Variants in FASTKD1 observed in about 807,000 individuals in gnomAD.
The protein encoded by FASTKD1 is FAST kinase domain-containing protein 1, mitochondrial.
Under a neutral mutation model 90.9 loss-of-function variants are expected in FASTKD1, and 94 were observed. That is an observed-to-expected ratio of 1.03 (90% CI 0.88 to 1.23). The LOEUF is 1.23. Among genes scored for constraint, FASTKD1 ranks in the 50% most tolerant of loss-of-function variants. FASTKD1 has a pLI of 0.00. For missense variants in FASTKD1, 945 were observed against 993.5 expected, an observed-to-expected ratio of 0.95 and a Z score of 0.66; for synonymous variants, 319 against 345.8, an observed-to-expected ratio of 0.92 and a Z score of 0.86.
At chr2:169,571,224 A>T (rs1684216679) in intron 2 of FASTKD1, 1 of 152,840 alleles carries the variant, frequency 6.5e-6, no homozygotes, top group Non-Finnish European at 1.5e-5. Flanking sequence ...CAAAAAAATT[A>T]GATTATCAGG....
intron 9 of FASTKD1, among the ~76,000 whole-genome samples, chr2:169,543,327 G>C (rs1364187059): frequency 6.6e-6 from 1 of 152,188 alleles, no homozygotes; most frequent in Non-Finnish European, 1.5e-5. Context: ...GCTGGGCGTA[G>C]TGGCGCATGC....
In FASTKD1 at chr2:169,546,397, TGA is replaced by T; in HGVS notation, c.1520_1521del (p.Leu507GlnfsTer7). The T allele has an allele frequency of 6.2e-7, 1 of 1,613,840 alleles. No homozygotes were observed. The highest frequency in any genetic ancestry group is 2.2e-5 in the East Asian group (1 of 44,878). On this transcript the variant is annotated frameshift_variant, in exon 8 of 15. Coordinates refer to ENST00000453153, the MANE Select transcript of FASTKD1 (RefSeq NM_024622.6). LOFTEE classifies it high-confidence loss of function. ...AGTGACTCAGGAAACGTGTTTCCTT[TGA>T]GAGATTTAAGTTCCTTCCGTAACAG... ...LDLLRKELKS[L>X]KGNTFPESLL... is the part of the protein sequence containing the mutation.
intron 9 of FASTKD1, among the ~76,000 whole-genome samples, chr2:169,540,666 G>C (rs868361431): frequency 6.6e-6 from 1 of 152,180 alleles, no homozygotes. Flanking sequence ...TCTTATATCA[G>C]TAGAAACAAT....
In FASTKD1 at chr2:169,544,721, CTAAG is replaced by C; in HGVS notation, c.1812_1815del (p.Tyr604Ter). Reference sequence around the variant, plus strand: ...ATGTATTACCAAACAATATACCTACCTAAGTAAGAATTAAGATGTTGCACGCAAG... The same window carrying C: ...ATGTATTACCAAACAATATACCTACCTAAGAATTAAGATGTTGCACGCAAG... On this transcript the variant is annotated frameshift_variant and splice_region_variant, in exon 9 of 15. Transcript: ENST00000453153. LOFTEE classifies it high-confidence loss of function. 4.5e-6 allele frequency: 7 copies of C among 1,541,612 alleles called. No homozygotes were observed. Among genetic ancestry groups the C allele is most frequent in the South Asian group, 1.1e-5 (1 of 89,292 alleles).
At chr2:169,562,357 C>G (rs148348800) in intron 4 of FASTKD1, among the ~76,000 whole-genome samples, 11,659 of 151,744 alleles carry the variant, frequency 0.077, 592 homozygotes, top group Middle Eastern at 0.18. Context: ...CTCAGCCTCC[C>G]GAGTAGCTGG....
chr2:169,566,440 G>A (rs1190961698), intron 3 of FASTKD1, among the ~76,000 whole-genome samples: 1 of 149,856 alleles, frequency 6.7e-6, no homozygotes, highest in East Asian at 1.9e-4. Context: ...TTCTATAATA[G>A]AAAGTTTTTT....
chr2:169,538,834 C>A (rs1684844944), intron 10 of FASTKD1, among the ~76,000 whole-genome samples: 1 of 151,624 alleles, frequency 6.6e-6, no homozygotes. Flanking sequence ...TTATTATATC[C>A]ATGTAACAGG....
At chr2:169,560,361 A>G in intron 5 of FASTKD1, 26 bp downstream of exon 5, 1 of 1,509,430 alleles carries the variant, frequency 6.6e-7, no homozygotes, top group Non-Finnish European at 8.8e-7. Context: ...CAACAAAAAA[A>G]GTAATGCATT....
intron 2 of FASTKD1, 97 bp downstream of exon 2, chr2:169,571,555 TC>T: frequency 1.1e-6 from 1 of 936,644 alleles, no homozygotes; most frequent in Middle Eastern, 3.6e-4. Flanking sequence ...CAGAGACTCC[TC>T]AAAAATAAAT....
chr2:169,552,304 C>T (rs1685522128), intron 7 of FASTKD1, among the ~76,000 whole-genome samples: 1 of 152,148 alleles, frequency 6.6e-6, no homozygotes, highest in African/African-American at 2.4e-5. Context: ...AGCAACAAAA[C>T]ATTACAGGAA....
In FASTKD1 at chr2:169,537,978, C is replaced by A. The variant is rs774901730; in HGVS notation, c.2074+35G>T. 14 of 1,564,634 alleles carry A rather than the reference C, an allele frequency of 8.9e-6. 1 individual carries two copies. The Middle Eastern group carries it at 5.2e-4, about 58-fold the overall frequency. On this transcript the variant is annotated intron_variant, in intron 11 of 14. Transcript: ENST00000453153. ...ACTACCTAATAATTTACTTTAGAATCAAACTTTGCTATCTGACTAAAAGAA... is the reference window on the plus strand; with the variant it reads ...ACTACCTAATAATTTACTTTAGAATAAAACTTTGCTATCTGACTAAAAGAA...
chr2:169,536,155 T>C (rs1684715352), intron 12 of FASTKD1, among the ~76,000 whole-genome samples: 1 of 152,176 alleles, frequency 6.6e-6, no homozygotes, highest in Non-Finnish European at 1.5e-5. Flanking sequence ...ACTTACTATG[T>C]TCCAAGGATA....
At chr2:169,568,652 AAAAAG>A in intron 3 of FASTKD1, among the ~76,000 whole-genome samples, 1 of 148,076 alleles carries the variant, frequency 6.8e-6, no homozygotes, top group African/African-American at 2.5e-5. Flanking sequence ...AAAAAAAAAA[AAAAAG>A]AGAGACAGAA....
In FASTKD1 at chr2:169,572,140, A is replaced by G; in HGVS notation, c.-111T>C. 1 of 1,316,786 alleles carries G rather than the reference A, an allele frequency of 7.6e-7. No individual in the cohort carries two copies. The highest frequency in any genetic ancestry group is 1.5e-5 in the South Asian group (1 of 64,578). The allele number at this position is 1,316,786 out of a possible 1,614,324, so 81.6% of individuals were successfully genotyped here. On this transcript the variant is annotated 5_prime_UTR_variant, in exon 2 of 15. Coordinates refer to ENST00000453153, the MANE Select transcript of FASTKD1 (RefSeq NM_024622.6). ...CCTTCATGTATTTTGCTTCCATTAC[A>G]ATGACTGTAAACGCATTCCAATGTA...
At chr2:169,544,675 A>G (rs973766365) in intron 9 of FASTKD1, 46 bp downstream of exon 9, 4 of 1,025,886 alleles carry the variant, frequency 3.9e-6, no homozygotes, top group African/African-American at 3.2e-5. Context: ...AGCAACAAGT[A>G]TCCTCTGACT....
intron 9 of FASTKD1, among the ~76,000 whole-genome samples, chr2:169,543,857 C>CAAAATTCTAAACTATAAGAGACTGAAGA (rs1685068366): frequency 6.7e-6 from 1 of 148,358 alleles, no homozygotes; most frequent in Non-Finnish European, 1.5e-5. Context: ...AAAAAGGAAA[C>CAAAATTCTAAACTATAAGAGACTGAAGA]AAAATTCTAA....
At position 169,544,730 on chromosome 2, in the gene FASTKD1, A is replaced by G. The variant is rs1271350064; in HGVS notation, c.1807T>C (p.Ser603Pro). The part of the protein sequence containing the change: ...FLGTCVQHLN[S>P]YLGILDPFIL... The stretch of plus-strand genomic sequence containing the variant: ...CAAACAATATACCTACCTAAGTAAG[A>G]ATTAAGATGTTGCACGCAAGTTCCC... The change falls in exon 9 of 15, where the codon TCT becomes CCT. Residue 603 changes from serine to proline, a missense_variant. Ser to Pro is a moderately conservative substitution (Grantham distance 74). Coordinates refer to ENST00000453153, the MANE Select transcript of FASTKD1 (RefSeq NM_024622.6). 1.9e-6 allele frequency: 3 copies of G among 1,577,990 alleles called. No individual in the cohort carries two copies. Among genetic ancestry groups the G allele is most frequent in the Non-Finnish European group, 2.6e-6 (3 of 1,147,608 alleles).
chr2:169,564,160 T>G (rs879652478), intron 3 of FASTKD1, among the ~76,000 whole-genome samples: 31 of 152,214 alleles, frequency 2.0e-4, no homozygotes, highest in African/African-American at 7.5e-4. Context: ...TTCTGTAAAG[T>G]TTATTTAAAA....
intron 5 of FASTKD1, among the ~76,000 whole-genome samples, chr2:169,558,351 A>T (rs1400363794): frequency 2.0e-5 from 3 of 152,044 alleles, no homozygotes; most frequent in Non-Finnish European, 4.4e-5. Context: ...TCCGCCTCCC[A>T]GGTTCAAGCG....
Sources: gnomAD v4.1 joint callset for allele counts (sites outside exome capture counted in the v4.1 genomes callset) on GRCh38, gnomAD v4.1.1 for gene constraint, MANE v1.5 for transcripts, NCBI Gene and HGNC (gene_info 2026-07-23, HGNC 2026-07-21) for gene names.